The following TMOD2 variants were observed in gnomAD, a reference collection of about 807,000 sequenced individuals.
TMOD2 encodes the protein tropomodulin 2, also known as tropomodulin-2.
Under a neutral mutation model 39.9 loss-of-function variants are expected in TMOD2, and 22 were observed. The observed-to-expected ratio is 0.55, with a 90% CI of 0.39 to 0.79. The LOEUF is 0.79. TMOD2 is among the 30% of genes least tolerant of loss of function. The pLI is 0.00. For synonymous variants in TMOD2, 123 were observed against 146.1 expected (o/e 0.84, Z 1.14); for missense variants, 386 against 413.3 (o/e 0.93, Z 0.57).
chr15:51,775,857 T>C (rs560249415), intron 4 of TMOD2, among the ~76,000 whole-genome samples: 22 of 152,326 alleles, frequency 1.4e-4, no homozygotes, highest in African/African-American at 5.1e-4. Flanking sequence ...ATTACAGGCA[T>C]GAGCCATCGC....
At chr15:51,805,167 C>T (rs1240841490) in intron 8 of TMOD2, among the ~76,000 whole-genome samples, 1 of 151,816 alleles carries the variant, frequency 6.6e-6, no homozygotes, top group Non-Finnish European at 1.5e-5. Context: ...ACCATGTTGC[C>T]CGGGCTGGTC....
intron 1 of TMOD2, among the ~76,000 whole-genome samples, chr15:51,761,153 C>G (rs373493635): frequency 2.0e-5 from 3 of 152,084 alleles, no homozygotes; most frequent in African/African-American, 7.2e-5. Flanking sequence ...TTCTGGGTAG[C>G]TTACAGGGAA....
At chr15:51,799,385 T>C (rs1263227469) in intron 8 of TMOD2, among the ~76,000 whole-genome samples, 4 of 152,188 alleles carry the variant, frequency 2.6e-5, no homozygotes, top group Non-Finnish European at 5.9e-5. Context: ...CATCCAGGAC[T>C]GTTGCCTAAC....
chr15:51,753,958 G>A (rs902232925), intron 1 of TMOD2, among the ~76,000 whole-genome samples: 10 of 151,202 alleles, frequency 6.6e-5, no homozygotes, highest in East Asian at 1.9e-4. Context: ...TGTAGAAGAC[G>A]GGGGTGGTTC....
Position 51,761,178 on chromosome 15 carries a change from C to T in TMOD2, c.-69-5195C>T, listed in dbSNP as rs542674781. 4.6e-5 allele frequency among the ~76,000 whole-genome samples: 7 copies of T among 152,188 alleles called. No individual in the cohort carries two copies. In the East Asian group the frequency reaches 1.4e-3, roughly 29 times the overall value. ...CTTACAGGGAAAAACAGAAATCTTT[C>T]AAGATGCAATCAGAGTAGTGCAGGT... On this transcript the variant is annotated intron_variant, in intron 1 of 9. Transcript: ENST00000249700.
chr15:51,771,303 T>A (rs2055852263), intron 3 of TMOD2, among the ~76,000 whole-genome samples: 2 of 152,194 alleles, frequency 1.3e-5, no homozygotes, highest in South Asian at 4.1e-4. Context: ...GGGAGGCTAC[T>A]ATGAGGTCCT....
chr15:51,792,169 A>T (rs2056016906), intron 7 of TMOD2, among the ~76,000 whole-genome samples: 1 of 152,232 alleles, frequency 6.6e-6, no homozygotes, highest in Non-Finnish European at 1.5e-5. Flanking sequence ...TTTACAAGAA[A>T]AAAGCAAACA....
chr15:51,760,725 G>A (rs938714860), intron 1 of TMOD2, among the ~76,000 whole-genome samples: 1 of 152,066 alleles, frequency 6.6e-6, no homozygotes, highest in African/African-American at 2.4e-5. Context: ...AGAATTGCTT[G>A]AACCCGGGAG....
At chr15:51,796,805 G>A (rs2056054249) in intron 7 of TMOD2, among the ~76,000 whole-genome samples, 1 of 152,148 alleles carries the variant, frequency 6.6e-6, no homozygotes, top group Non-Finnish European at 1.5e-5. Context: ...GATGAAGTGA[G>A]GTGAATGACA....
intron 8 of TMOD2, among the ~76,000 whole-genome samples, chr15:51,805,941 A>G (rs1845003717): frequency 6.6e-6 from 1 of 152,256 alleles, no homozygotes; most frequent in African/African-American, 2.4e-5. Flanking sequence ...GTAAGTAAGA[A>G]TTCCCAAAGT....
chr15:51,769,513 A>G (rs1421953729), intron 3 of TMOD2, among the ~76,000 whole-genome samples: 1 of 152,206 alleles, frequency 6.6e-6, no homozygotes, highest in Non-Finnish European at 1.5e-5. Flanking sequence ...TGACAGAGCT[A>G]GGAAGGCTGT....
intron 8 of TMOD2, among the ~76,000 whole-genome samples, chr15:51,799,680 T>C (rs2141640264): frequency 6.6e-6 from 1 of 152,290 alleles, no homozygotes; most frequent in Non-Finnish European, 1.5e-5. Flanking sequence ...CTGTGTATCC[T>C]AGCATATGTC....
At chr15:51,783,810 C>G (rs148635276) in intron 7 of TMOD2, 4 of 151,896 alleles carry the variant, frequency 2.6e-5, no homozygotes, top group African/African-American at 9.7e-5. Context: ...AAATAGCCAA[C>G]TAAAAGTTCT....
At chr15:51,772,133 G>A (rs1011637560) in intron 3 of TMOD2, among the ~76,000 whole-genome samples, 17 of 152,184 alleles carry the variant, frequency 1.1e-4, no homozygotes, top group Admixed American at 8.5e-4. Context: ...ATTGACTTTG[G>A]GTTGGACCCT....
chr15:51,782,145 T>C (rs1407545434), intron 6 of TMOD2, among the ~76,000 whole-genome samples: 1 of 152,180 alleles, frequency 6.6e-6, no homozygotes, highest in Non-Finnish European at 1.5e-5. Context: ...ATTTATTCAG[T>C]CTTTACTCTG....
At chr15:51,779,017 TGCAATC>T (rs2055910756) in intron 5 of TMOD2, among the ~76,000 whole-genome samples, 3 of 149,582 alleles carry the variant, frequency 2.0e-5, no homozygotes, top group African/African-American at 7.4e-5. Context: ...AGTGCAATGG[TGCAATC>T]ATAACTTATT....
intron 1 of TMOD2, among the ~76,000 whole-genome samples, chr15:51,760,822 AATCCTT>A (rs2055775654): frequency 6.6e-6 from 1 of 151,818 alleles, no homozygotes; most frequent in Admixed American, 6.6e-5. Flanking sequence ...AAGAAAAAAA[AATCCTT>A]AATCCTTAAT....
chr15:51,809,657 A>G lies in TMOD2; in HGVS notation c.*1203A>G, dbSNP rs558917523. On this transcript the variant is annotated 3_prime_UTR_variant, in exon 10 of 10. Transcript: ENST00000249700. The stretch of plus-strand genomic sequence containing the variant: ...CCTTTGGCTCAAGCTCACAACTCTG[A>G]TAACTGTCAGTGCCTGAGGTTGTGA... The G allele has an allele frequency of 6.6e-6, 1 of 152,254 alleles. No homozygotes were observed. 9.4% of individuals were successfully genotyped at this position (152,254 alleles called of 1,614,324 possible).
At chr15:51,801,698 T>G (rs1472276552) in intron 8 of TMOD2, among the ~76,000 whole-genome samples, 1 of 152,186 alleles carries the variant, frequency 6.6e-6, no homozygotes, top group Non-Finnish European at 1.5e-5. Flanking sequence ...GATGGGGAAC[T>G]GCTAAATAAA....
Sources: allele counts gnomAD v4.1 joint callset (sites outside exome capture counted in the v4.1 genomes callset), GRCh38; gene constraint gnomAD v4.1.1; transcripts MANE v1.5; gene names NCBI Gene and HGNC (gene_info 2026-07-23, HGNC 2026-07-21).